CTNNA2: variants seen among roughly 807,000 people sequenced by gnomAD.
CTNNA2 encodes the protein catenin alpha-2.
Under a neutral mutation model 101.0 loss-of-function variants are expected in CTNNA2, and 42 were observed. The observed-to-expected ratio is 0.42, with a 90% confidence interval of 0.32 to 0.54. The LOEUF (loss-of-function observed/expected upper bound fraction) is 0.54, where lower values mean the gene tolerates loss of function less well. Ranked by LOEUF, CTNNA2 falls within the 20% of genes least tolerant of loss-of-function variation. The pLI is 0.14. For synonymous variants in CTNNA2, 450 were observed against 456.4 expected (o/e 0.99, Z 0.18); for missense variants, 871 against 1,223.1 (o/e 0.71, Z 4.29).
chr2:79,190,975 G>A (rs998122778), intron 1 of CTNNA2, among the ~76,000 whole-genome samples: 2 of 151,942 alleles, frequency 1.3e-5, no homozygotes, highest in East Asian at 1.9e-4. Context: ...CAGCTTTCTC[G>A]CTCTCCGCAG....
chr2:79,588,059 T>G (rs1676610942), intron 1 of CTNNA2, among the ~76,000 whole-genome samples: 1 of 152,162 alleles, frequency 6.6e-6, no homozygotes, highest in African/African-American at 2.4e-5. Context: ...GCCAGAGAAC[T>G]TTTTTCAGAA....
At chr2:79,915,405 A>G (rs1207403807) in intron 7 of CTNNA2, among the ~76,000 whole-genome samples, 1 of 152,168 alleles carries the variant, frequency 6.6e-6, no homozygotes, top group Non-Finnish European at 1.5e-5. Context: ...TCTTTACTCA[A>G]TATATTGTGA....
chr2:79,726,552 G>A (rs992328985), intron 2 of CTNNA2, among the ~76,000 whole-genome samples: 1 of 152,156 alleles, frequency 6.6e-6, no homozygotes, highest in Non-Finnish European at 1.5e-5. Context: ...ATGATCTGAG[G>A]TGGAGCAGTT....
chr2:80,033,444 G>A (rs1695437853), intron 7 of CTNNA2, among the ~76,000 whole-genome samples: 1 of 151,976 alleles, frequency 6.6e-6, no homozygotes, highest in South Asian at 2.1e-4. Context: ...TTGGTGGCAT[G>A]CACCTGTAGG....
intron 7 of CTNNA2, among the ~76,000 whole-genome samples, chr2:79,992,297 A>C (rs1178866918): frequency 6.7e-6 from 1 of 150,060 alleles, no homozygotes; most frequent in African/African-American, 2.5e-5. Flanking sequence ...CTAAATAATC[A>C]CAAAAAAAAA....
At chr2:79,372,189 T>C (rs570732498) in intron 3 of CTNNA2, among the ~76,000 whole-genome samples, 1 of 152,212 alleles carries the variant, frequency 6.6e-6, no homozygotes, top group Non-Finnish European at 1.5e-5. Flanking sequence ...TGGCATCTGG[T>C]GGCAGGCAGG....
chr2:80,586,852 A>G (rs1199987803), intron 14 of CTNNA2, among the ~76,000 whole-genome samples: 1 of 152,216 alleles, frequency 6.6e-6, no homozygotes, highest in Admixed American at 6.5e-5. Flanking sequence ...CATGGAAGTC[A>G]GTAGATGTGG....
rs533801866 is a variant in CTNNA2 at position 79,930,631 on chromosome 2, A to G, written c.1056+20834A>G. On this transcript the variant is annotated intron_variant, in intron 7 of 18. Coordinates refer to ENST00000402739, the MANE Select transcript of CTNNA2 (RefSeq NM_001282597.3). ...GCCCAGATCTTCTGACTGTCAATTAATGATAATGATTCTGGGCAAGTTTTC... is the reference window on the plus strand; with the variant it reads ...GCCCAGATCTTCTGACTGTCAATTAGTGATAATGATTCTGGGCAAGTTTTC... Among the ~76,000 whole-genome samples, 93 of 152,206 alleles carry G rather than the reference A, an allele frequency of 6.1e-4. 1 individual carries two copies. Among genetic ancestry groups the G allele is most frequent in the Non-Finnish European group, 1.2e-3 (82 of 68,034 alleles).
chr2:79,579,078 CCT>C (rs976111109), intron 1 of CTNNA2, among the ~76,000 whole-genome samples: 2 of 150,172 alleles, frequency 1.3e-5, no homozygotes, highest in South Asian at 4.3e-4. Context: ...TTTTCTTCCT[CCT>C]CTTTCTTTCC....
At chr2:79,764,299 T>A (rs1163485962) in intron 3 of CTNNA2, among the ~76,000 whole-genome samples, 2 of 152,222 alleles carry the variant, frequency 1.3e-5, no homozygotes, top group African/African-American at 4.8e-5. Context: ...AATAATTTGA[T>A]TTTACTTATT....
intron 7 of CTNNA2, among the ~76,000 whole-genome samples, chr2:80,233,935 C>G (rs531657945): frequency 1.3e-5 from 2 of 152,070 alleles, no homozygotes; most frequent in Admixed American, 6.6e-5. Context: ...CTTCAAAGTA[C>G]TATAGAAGTG....
chr2:80,078,933 T>C (rs1698937785), intron 7 of CTNNA2, among the ~76,000 whole-genome samples: 1 of 152,194 alleles, frequency 6.6e-6, no homozygotes, highest in African/African-American at 2.4e-5. Context: ...GAGTCTTATT[T>C]GATTCCTCCT....
chr2:80,071,356 G>T (rs935332269), intron 7 of CTNNA2, among the ~76,000 whole-genome samples: 2 of 152,142 alleles, frequency 1.3e-5, no homozygotes, highest in Non-Finnish European at 2.9e-5. Context: ...GTAGCATCCC[G>T]CTCTGTTGAA....
intron 7 of CTNNA2, among the ~76,000 whole-genome samples, chr2:80,231,654 G>A (rs1228595271): frequency 1.3e-5 from 2 of 152,146 alleles, no homozygotes; most frequent in African/African-American, 4.8e-5. Context: ...GAGACCTTAA[G>A]AATGACAAAA....
chr2:79,236,197 A>G (rs1674555695), intron 2 of CTNNA2, among the ~76,000 whole-genome samples: 2 of 152,140 alleles, frequency 1.3e-5, no homozygotes, highest in African/African-American at 2.4e-5. Context: ...TAATGGTGCA[A>G]TCATAACTCC....
chr2:79,949,146 G>T (rs1010312794), intron 7 of CTNNA2, among the ~76,000 whole-genome samples: 37 of 152,028 alleles, frequency 2.4e-4, no homozygotes, highest in Admixed American at 7.2e-4. Context: ...GAAAGAAACA[G>T]TATACACAAT....
chr2:80,602,466 T>G (rs563050208), intron 15 of CTNNA2, among the ~76,000 whole-genome samples: 55 of 152,178 alleles, frequency 3.6e-4, no homozygotes, highest in African/African-American at 1.3e-3. Flanking sequence ...TCAAACAGAA[T>G]GCAGTCTTAT....
At chr2:80,011,126 A>G (rs1223290723) in intron 7 of CTNNA2, among the ~76,000 whole-genome samples, 1 of 152,160 alleles carries the variant, frequency 6.6e-6, no homozygotes, top group Admixed American at 6.5e-5. Context: ...ACCCCTCAAG[A>G]GCAAATAGTC....
In CTNNA2 at chr2:80,370,093, T is replaced by C. The variant is rs945279766; in HGVS notation, c.1057-23118T>C. Among the ~76,000 whole-genome samples, 6 of 152,274 alleles carry C rather than the reference T, an allele frequency of 3.9e-5. 1 individual carries two copies. Among genetic ancestry groups the C allele is most frequent in the Admixed American group, 2.6e-4 (4 of 15,288 alleles). The stretch of plus-strand genomic sequence containing the variant: ...GATAGCTCACTCCAAGTAGCAAGTA[T>C]CATGAATTCACAACAAAAGGTTGAG... On this transcript the variant is annotated intron_variant, in intron 7 of 18. Transcript: ENST00000402739.
Sources: allele counts gnomAD v4.1 joint callset (sites outside exome capture counted in the v4.1 genomes callset), GRCh38; gene constraint gnomAD v4.1.1; transcripts MANE v1.5; gene names NCBI Gene and HGNC (gene_info 2026-07-23, HGNC 2026-07-21).